The following KAT8 variants were observed in gnomAD, a reference collection of about 807,000 sequenced individuals.
KAT8 encodes histone acetyltransferase KAT8.
Under a neutral mutation model 62.9 loss-of-function variants are expected in KAT8, and 40 were observed. That is an observed-to-expected ratio of 0.64 (90% CI 0.49 to 0.83). The LOEUF (loss-of-function observed/expected upper bound fraction) is 0.83. Ranked by LOEUF, KAT8 falls within the 40% of genes least tolerant of loss-of-function variation. The pLI, the probability that KAT8 is intolerant of heterozygous loss-of-function variation, is 0.00. For missense variants in KAT8, 387 were observed against 614.8 expected, an observed-to-expected ratio of 0.63 and a Z score of 3.92; for synonymous variants, 278 against 254.5, an observed-to-expected ratio of 1.09 and a Z score of -0.88.
intron 3 of KAT8, chr16:31,122,234 T>C (rs898169437): frequency 1.3e-5 from 2 of 152,192 alleles, no homozygotes; most frequent in African/African-American, 2.4e-5. Flanking sequence ...GTGGATAAGA[T>C]AGAAAAATCA....
intron 1 of KAT8, 65 bp from the exon 2 acceptor site, chr16:31,120,121 A>G (rs985284821): frequency 7.4e-7 from 1 of 1,351,456 alleles, no homozygotes; most frequent in African/African-American, 1.4e-5. Context: ...ACTGCTTCTC[A>G]GTGTGCAGGA....
chr16:31,123,991 C>T (rs756980851), intron 3 of KAT8: 2 of 152,200 alleles, frequency 1.3e-5, no homozygotes, highest in Non-Finnish European at 2.9e-5. Flanking sequence ...AACAATCATC[C>T]AGTTAACAAT....
intron 6 of KAT8, among the ~76,000 whole-genome samples, chr16:31,129,029 C>T (rs924654811): frequency 6.6e-6 from 1 of 152,214 alleles, no homozygotes; most frequent in African/African-American, 2.4e-5. Context: ...TTGTCACTTC[C>T]TCACTGACCA....
At position 31,130,753 on chromosome 16, in the gene KAT8, A is replaced by T. The variant is rs2057571181; in HGVS notation, c.1165A>T (p.Thr389Ser). The change falls in exon 10 of 11, where the codon ACC becomes TCC. Residue 389 changes from threonine (T) to serine (S), a missense_variant. By Grantham distance (58) the Thr-to-Ser change is moderately conservative. Transcript: ENST00000219797. The stretch of plus-strand genomic sequence containing the variant: ...TCTCATCCCTTTTTGCAGCCAGATG[A>T]CCAGTATCACCCAAAATGACATCAT... ...TLSIKDLSQM[T>S]SITQNDIIST... 1.9e-6 allele frequency: 3 copies of T among 1,614,122 alleles called. No homozygotes were observed. Among genetic ancestry groups the T allele is most frequent in the East Asian group, 2.2e-5 (1 of 44,878 alleles).
intron 1 of KAT8, among the ~76,000 whole-genome samples, chr16:31,119,157 G>GT (rs2057473952): frequency 6.6e-6 from 1 of 151,478 alleles, no homozygotes; most frequent in Non-Finnish European, 1.5e-5. Flanking sequence ...ATTTTTTTTT[G>GT]TTTGTTTGTT....
At chr16:31,127,504 C>G in intron 5 of KAT8, 151 bp downstream of exon 5, 1 of 802,748 alleles carries the variant, frequency 1.2e-6, no homozygotes, top group Non-Finnish European at 2.0e-6. Flanking sequence ...GGTCAGGAGG[C>G]CTGGATTCCA....
intron 1 of KAT8, chr16:31,118,106 CT>C (rs1335777925): frequency 6.1e-5 from 25 of 407,272 alleles, no homozygotes; most frequent in Non-Finnish European, 1.0e-4. Flanking sequence ...CGAGCGACGC[CT>C]ACAAACCCAC....
chr16:31,127,504 C>T (rs2057541678), intron 5 of KAT8, 151 bp downstream of exon 5: 1 of 802,748 alleles, frequency 1.2e-6, no homozygotes, highest in East Asian at 2.6e-5. Context: ...GGTCAGGAGG[C>T]CTGGATTCCA....
chr16:31,129,938 G>A, intron 6 of KAT8, 79 bp from the exon 7 acceptor site: 2 of 1,533,038 alleles, frequency 1.3e-6, no homozygotes, highest in South Asian at 1.2e-5. Flanking sequence ...CTTCGCGTGG[G>A]CTGGTGCCGG....
chr16:31,131,085 TTTG>T, intron 10 of KAT8, 107 bp from the exon 11 acceptor site: 2 of 1,534,298 alleles, frequency 1.3e-6, no homozygotes, highest in Non-Finnish European at 1.8e-6. Context: ...AGCCTGCCCT[TTTG>T]TTCTCACCTG....
At chr16:31,123,470 A>C (rs2143975055) in intron 3 of KAT8, among the ~76,000 whole-genome samples, 1 of 151,972 alleles carries the variant, frequency 6.6e-6, no homozygotes, top group South Asian at 2.1e-4. Flanking sequence ...CGGCCTCCCA[A>C]AGTGCTGGGA....
At chr16:31,120,730 G>A in intron 3 of KAT8, 1 of 508,398 alleles carries the variant, frequency 2.0e-6, no homozygotes, top group Non-Finnish European at 3.5e-6. Flanking sequence ...GCAAGGAAAT[G>A]GCACAGCTGG....
chr16:31,130,314 G>GC lies in KAT8; in HGVS notation c.966dup (p.Tyr323LeufsTer16). 1.2e-6 allele frequency: 2 copies of GC among 1,614,162 alleles called. No individual in the cohort carries two copies. Among genetic ancestry groups the GC allele is most frequent in the Non-Finnish European group, 1.7e-6 (2 of 1,180,024 alleles). On this transcript the variant is annotated frameshift_variant, in exon 8 of 11. Transcript: ENST00000219797. LOFTEE classifies it high-confidence loss of function. The stretch of plus-strand genomic sequence containing the variant: ...ACAATGTGGCCTGCATCCTGACCTT[G>GC]CCCCCCTACCAACGCCGCGGCTACG...
At chr16:31,130,993 T>C in intron 10 of KAT8, 93 bp downstream of exon 10, 1 of 1,537,230 alleles carries the variant, frequency 6.5e-7, no homozygotes, top group Non-Finnish European at 8.8e-7. Flanking sequence ...TGTCACATGA[T>C]CCCAAACCAG....
intron 6 of KAT8, among the ~76,000 whole-genome samples, chr16:31,128,353 G>A (rs1164070706): frequency 6.6e-6 from 1 of 152,142 alleles, no homozygotes; most frequent in Non-Finnish European, 1.5e-5. Context: ...TTTGAGAGCA[G>A]CCTGGGTAAC....
At chr16:31,118,787 TTTATTGAATGC>T (rs1458988990) in intron 1 of KAT8, 1 of 152,180 alleles carries the variant, frequency 6.6e-6, no homozygotes. Context: ...GCCTTACTCA[TTTATTGAATGC>T]TCTGCTAATT....
intron 1 of KAT8, chr16:31,118,160 C>T (rs1255781687): frequency 1.6e-5 from 6 of 372,724 alleles, no homozygotes; most frequent in Non-Finnish European, 2.4e-5. Flanking sequence ...CACTTCCTTG[C>T]CCAGTCTTAG....
At position 31,128,013 on chromosome 16, in the gene KAT8, A is replaced by G. The variant is rs778917225; in HGVS notation, c.682-37A>G. 2.6e-6 allele frequency: 4 copies of G among 1,535,300 alleles called. No individual in the cohort carries two copies. In the Admixed American group the frequency reaches 6.7e-5, roughly 26 times the overall value. On this transcript the variant is annotated intron_variant, in intron 5 of 10. Coordinates refer to ENST00000219797, the MANE Select transcript of KAT8 (RefSeq NM_032188.3). ...GGTTGGGTGCCTCCTAGCAGAGAAC[A>G]TATGGGCAGCGAACCTGTTCTCTTG... is the stretch of plus-strand genomic sequence containing the variant.
intron 3 of KAT8, among the ~76,000 whole-genome samples, chr16:31,124,741 A>AG: frequency 7.3e-6 from 1 of 137,794 alleles, no homozygotes; most frequent in East Asian, 2.9e-4. Context: ...CAAAAAAAAA[A>AG]AAAAAAAAAA....
Sources: gnomAD v4.1 joint callset for allele counts (sites outside exome capture counted in the v4.1 genomes callset) on GRCh38, gnomAD v4.1.1 for gene constraint, MANE v1.5 for transcripts, NCBI Gene and HGNC (gene_info 2026-07-23, HGNC 2026-07-21) for gene names.